Variants in ATRNL1 observed in about 807,000 individuals in gnomAD.
ATRNL1 encodes attractin-like protein 1.
ATRNL1 carries 95 observed loss-of-function variants against 182.7 expected under a neutral mutation model. The observed-to-expected ratio is 0.52, with a 90% CI of 0.44 to 0.62. The LOEUF (loss-of-function observed/expected upper bound fraction) is 0.62. ATRNL1 is among the 20% of genes least tolerant of loss of function. The pLI is 0.00. For synonymous variants in ATRNL1, 576 were observed against 568.3 expected, an observed-to-expected ratio of 1.01 and a Z score of -0.19; for missense variants, 1,471 against 1,679.5, an observed-to-expected ratio of 0.88 and a Z score of 2.17.
chr10:115,468,837 C>A (rs535386444), intron 23 of ATRNL1, among the ~76,000 whole-genome samples: 38 of 150,660 alleles, frequency 2.5e-4, no homozygotes, highest in Non-Finnish European at 4.8e-4. Flanking sequence ...AAACTTGGGG[C>A]AAATGCTTTA....
intron 8 of ATRNL1, among the ~76,000 whole-genome samples, chr10:115,209,696 C>T (rs1848947065): frequency 6.6e-6 from 1 of 151,632 alleles, no homozygotes; most frequent in Non-Finnish European, 1.5e-5. Flanking sequence ...CACGCATATG[C>T]AAATAACAAC....
intron 26 of ATRNL1, among the ~76,000 whole-genome samples, chr10:115,709,102 A>C (rs1338601922): frequency 1.3e-5 from 2 of 151,864 alleles, no homozygotes; most frequent in Non-Finnish European, 3.0e-5. Flanking sequence ...AGCTGGTTAA[A>C]AGGTAGCAGA....
chr10:115,715,758 T>C (rs1947228991), intron 26 of ATRNL1, among the ~76,000 whole-genome samples: 1 of 152,224 alleles, frequency 6.6e-6, no homozygotes, highest in South Asian at 2.1e-4. Context: ...AAAAATTTAC[T>C]CATAGACATG....
intron 25 of ATRNL1, among the ~76,000 whole-genome samples, chr10:115,532,254 C>T (rs181605505): frequency 2.2e-3 from 329 of 152,256 alleles, no homozygotes; most frequent in African/African-American, 7.4e-3. Flanking sequence ...ATTCTTCCTA[C>T]CCATGAGCAT....
chr10:115,305,301 G>A (rs1356774784), intron 17 of ATRNL1, among the ~76,000 whole-genome samples: 4 of 152,146 alleles, frequency 2.6e-5, no homozygotes, highest in African/African-American at 7.2e-5. Flanking sequence ...GTAACACAAT[G>A]CAGGCTGGAA....
At position 115,794,839 on chromosome 10, in the gene ATRNL1, T is replaced by C. The variant is rs78796289; in HGVS notation, c.3904-53038T>C. On this transcript the variant is annotated intron_variant, in intron 27 of 28. Coordinates refer to ENST00000355044, the MANE Select transcript of ATRNL1 (RefSeq NM_207303.4). ...CTTTATGGGAAACACTATTAAACTA[T>C]GTAAACCTCCCATTCCTTATCAAAC... 0.011 allele frequency among the ~76,000 whole-genome samples: 1,694 copies of C among 152,286 alleles called. 92 individuals carry two copies. The East Asian group carries it at 0.17, about 15-fold the overall frequency.
chr10:115,441,758 C>T (rs1479682417), intron 21 of ATRNL1, among the ~76,000 whole-genome samples: 3 of 151,974 alleles, frequency 2.0e-5, no homozygotes, highest in Non-Finnish European at 2.9e-5. Context: ...CAGACTTCCT[C>T]ATTTCAGTAA....
At chr10:115,692,333 T>C (rs1179352552) in intron 26 of ATRNL1, among the ~76,000 whole-genome samples, 1 of 151,794 alleles carries the variant, frequency 6.6e-6, no homozygotes, top group Non-Finnish European at 1.5e-5. Context: ...AAAGCAGGAG[T>C]TCAGGAATAA....
chr10:115,668,937 A>G (rs1222852135), intron 26 of ATRNL1, among the ~76,000 whole-genome samples: 4 of 152,126 alleles, frequency 2.6e-5, no homozygotes, highest in Non-Finnish European at 5.9e-5. Flanking sequence ...CCCCTCAGAC[A>G]TACTGATTTC....
intron 27 of ATRNL1, among the ~76,000 whole-genome samples, chr10:115,836,895 A>C (rs1950686936): frequency 6.6e-6 from 1 of 152,140 alleles, no homozygotes; most frequent in African/African-American, 2.4e-5. Context: ...TTAAAAGAAA[A>C]CACAGTGACC....
At chr10:115,755,804 G>A (rs1948573769) in intron 27 of ATRNL1, among the ~76,000 whole-genome samples, 1 of 151,972 alleles carries the variant, frequency 6.6e-6, no homozygotes, top group African/African-American at 2.4e-5. Context: ...GGTCCTGGAC[G>A]TTTTTTGGTT....
At chr10:115,534,818 T>C (rs1435342227) in intron 25 of ATRNL1, among the ~76,000 whole-genome samples, 1 of 151,314 alleles carries the variant, frequency 6.6e-6, no homozygotes, top group Non-Finnish European at 1.5e-5. Context: ...ACAAAATCTC[T>C]CAGCATTTGC....
chr10:115,157,280 A>G lies in ATRNL1; in HGVS notation c.830-2760A>G, dbSNP rs180764238. On this transcript the variant is annotated intron_variant, in intron 5 of 28. Transcript: ENST00000355044. ...TGCTTAGATGTCCTTAAGTGTAGAT[A>G]TTAGTATTAGCTGTTTAATGGGTGG... 9.9e-5 allele frequency among the ~76,000 whole-genome samples: 15 copies of G among 151,594 alleles called. No individual in the cohort carries two copies. The East Asian group carries it at 2.1e-3, about 22-fold the overall frequency.
chr10:115,549,713 T>C (rs1852854948), intron 26 of ATRNL1, among the ~76,000 whole-genome samples, 177 bp downstream of exon 26: 1 of 152,026 alleles, frequency 6.6e-6, no homozygotes. Context: ...ATCACTGTAA[T>C]TTTAAGTTAG....
chr10:115,340,106 A>G (rs1178845546), intron 19 of ATRNL1, among the ~76,000 whole-genome samples: 11 of 152,022 alleles, frequency 7.2e-5, no homozygotes, highest in African/African-American at 2.7e-4. Flanking sequence ...GTTTGCTAGT[A>G]TTTTGCACCA....
At position 115,149,953 on chromosome 10, in the gene ATRNL1, G is replaced by A. The variant is rs547112680; in HGVS notation, c.830-10087G>A. Reference sequence around the variant, plus strand: ...TTTGAAAGTTTGGTGGACTTTGGCCGTGAAGCCGTCCTGTCCTGGACTTTC... The same window carrying A: ...TTTGAAAGTTTGGTGGACTTTGGCCATGAAGCCGTCCTGTCCTGGACTTTC... On this transcript the variant is annotated intron_variant, in intron 5 of 28. Coordinates refer to ENST00000355044, the MANE Select transcript of ATRNL1 (RefSeq NM_207303.4). Among the ~76,000 whole-genome samples, 9 of 150,448 alleles carry A rather than the reference G, an allele frequency of 6.0e-5. No homozygotes were observed. In the South Asian group the frequency reaches 8.4e-4, roughly 14 times the overall value.
chr10:115,713,705 C>CTATCTATCATCTATCTATCTATCT (rs1555055340), intron 26 of ATRNL1, among the ~76,000 whole-genome samples: 10 of 101,226 alleles, frequency 9.9e-5, no homozygotes, highest in East Asian at 4.5e-4. Flanking sequence ...ATCTATCTAT[C>CTATCTATCATCTATCTATCTATCT]ATCTATCTAT....
chr10:115,375,871 C>T (rs1033641261), intron 19 of ATRNL1, among the ~76,000 whole-genome samples: 3 of 151,652 alleles, frequency 2.0e-5, no homozygotes, highest in East Asian at 1.9e-4. Context: ...ATTTATATAC[C>T]ACTGTTACTG....
chr10:115,293,236 A>G (rs955313926), intron 15 of ATRNL1, among the ~76,000 whole-genome samples: 43 of 151,932 alleles, frequency 2.8e-4, no homozygotes, highest in African/African-American at 9.2e-4. Context: ...TTTAGTCTAT[A>G]TATGTCTTTC....
Sources: allele counts gnomAD v4.1 joint callset (sites outside exome capture counted in the v4.1 genomes callset), GRCh38; gene constraint gnomAD v4.1.1; transcripts MANE v1.5; gene names NCBI Gene and HGNC (gene_info 2026-07-23, HGNC 2026-07-21).